Variants in SYT14 observed in about 807,000 individuals in gnomAD.
SYT14 encodes the protein synaptotagmin 14, also known as synaptotagmin-14.
A neutral mutation model predicts 74.2 loss-of-function variants in SYT14; 32 were observed. That is an observed-to-expected ratio of 0.43 (90% CI 0.33 to 0.58). The LOEUF is 0.58. Among genes scored for constraint, SYT14 ranks in the 20% least tolerant of loss-of-function variants. SYT14 has a pLI of 0.05. For synonymous variants in SYT14, 298 were observed against 337.7 expected (o/e 0.88, Z 1.29); for missense variants, 791 against 981.8 (o/e 0.81, Z 2.60).
At chr1:210,006,845 ATG>A (rs1483800316) in intron 2 of SYT14, among the ~76,000 whole-genome samples, 7 of 151,840 alleles carry the variant, frequency 4.6e-5, no homozygotes, top group African/African-American at 1.7e-4. Flanking sequence ...AAAATAGAAA[ATG>A]TGTTGGTTTA....
At chr1:210,041,467 A>T (rs1056661978) in intron 5 of SYT14, among the ~76,000 whole-genome samples, 10 of 152,204 alleles carry the variant, frequency 6.6e-5, no homozygotes, top group African/African-American at 9.6e-5. Flanking sequence ...AATTTACAAA[A>T]AATTTTCTAA....
At chr1:209,993,831 C>T (rs995156806) in intron 2 of SYT14, among the ~76,000 whole-genome samples, 2 of 152,144 alleles carry the variant, frequency 1.3e-5, no homozygotes, top group African/African-American at 4.8e-5. Flanking sequence ...AGTTGTGTGG[C>T]TGGGTATTAG....
chr1:210,124,874 T>A (rs1042033426), intron 7 of SYT14, among the ~76,000 whole-genome samples: 6 of 152,136 alleles, frequency 3.9e-5, no homozygotes, highest in African/African-American at 1.4e-4. Flanking sequence ...TTGTGTGGTT[T>A]TTTTTTTTCC....
intron 5 of SYT14, among the ~76,000 whole-genome samples, chr1:210,030,178 A>G (rs557827818): frequency 2.0e-5 from 3 of 151,736 alleles, no homozygotes; most frequent in Non-Finnish European, 2.9e-5. Flanking sequence ...GTCTCGCTCT[A>G]TTGCCCAGGC....
intron 5 of SYT14, among the ~76,000 whole-genome samples, chr1:210,035,945 G>C (rs556560441): frequency 6.6e-6 from 1 of 151,908 alleles, no homozygotes; most frequent in Non-Finnish European, 1.5e-5. Context: ...CGTGAAAAAC[G>C]ATATTGTTAT....
Position 209,954,273 on chromosome 1 carries a change from A to T in SYT14, c.-486+1517A>T, listed in dbSNP as rs145018369. 2.0e-5 allele frequency among the ~76,000 whole-genome samples: 3 copies of T among 152,304 alleles called. No individual in the cohort carries two copies. The East Asian group carries it at 5.8e-4, about 29-fold the overall frequency. On this transcript the variant is annotated intron_variant, in intron 2 of 9. Transcript: ENST00000637265. ...AATGGAGAAAATTAGATAAGGATAG[A>T]GGATGGTGTGAATATATCTTTTTTT...
At chr1:210,034,252 G>A (rs946795789) in intron 5 of SYT14, among the ~76,000 whole-genome samples, 1 of 151,732 alleles carries the variant, frequency 6.6e-6, no homozygotes, top group African/African-American at 2.4e-5. Flanking sequence ...TAAACACACA[G>A]TGTCTGCCCT....
At chr1:209,940,303 A>G (rs2078708291) in intron 1 of SYT14, among the ~76,000 whole-genome samples, 1 of 152,104 alleles carries the variant, frequency 6.6e-6, no homozygotes, top group African/African-American at 2.4e-5. Context: ...AGGGCGTCTC[A>G]TCTTTTCAGT....
chr1:209,951,144 T>A (rs1050429987), intron 1 of SYT14, among the ~76,000 whole-genome samples: 1 of 152,226 alleles, frequency 6.6e-6, no homozygotes, highest in African/African-American at 2.4e-5. Context: ...TAAGGTCTAT[T>A]CTTGGATTAG....
exon 4 of SYT14, chr1:210,015,853 C>A: frequency 6.8e-6 from 8 of 1,178,314 alleles, no homozygotes; most frequent in African/African-American, 4.8e-5. Flanking sequence ...AATGTATTTA[C>A]AGAAAGATTA....
At chr1:210,021,427 T>C (rs1162374071) in intron 5 of SYT14, among the ~76,000 whole-genome samples, 173 bp downstream of exon 4, 1 of 152,204 alleles carries the variant, frequency 6.6e-6, no homozygotes, top group African/African-American at 2.4e-5. Flanking sequence ...AGGCCAAAAA[T>C]CAAAACCAAT....
At chr1:210,076,793 A>T (rs146028898) in intron 5 of SYT14, among the ~76,000 whole-genome samples, 1 of 152,266 alleles carries the variant, frequency 6.6e-6, no homozygotes, top group East Asian at 1.9e-4. Context: ...TAACTCACTC[A>T]CTATCACGAG....
intron 5 of SYT14, among the ~76,000 whole-genome samples, chr1:210,034,386 GT>G (rs2080609614): frequency 6.6e-6 from 1 of 151,482 alleles, no homozygotes; most frequent in African/African-American, 2.4e-5. Context: ...TATTGTGTAA[GT>G]AGTACATGTT....
intron 7 of SYT14, among the ~76,000 whole-genome samples, chr1:210,135,404 CA>C (rs1285230223): frequency 6.6e-6 from 1 of 152,138 alleles, no homozygotes; most frequent in Non-Finnish European, 1.5e-5. Context: ...TTTCTCATCT[CA>C]GATAGATTTT....
At chr1:210,030,322 C>G (rs980016134) in intron 5 of SYT14, among the ~76,000 whole-genome samples, 1 of 151,636 alleles carries the variant, frequency 6.6e-6, no homozygotes, top group Non-Finnish European at 1.5e-5. Flanking sequence ...CCCAGCTAAT[C>G]TTTGTATTTT....
At chr1:210,150,447 G>A (rs2083135455) in intron 7 of SYT14, among the ~76,000 whole-genome samples, 1 of 152,174 alleles carries the variant, frequency 6.6e-6, no homozygotes, top group Admixed American at 6.5e-5. Context: ...GAGCAATCAT[G>A]CTCTTTCTTC....
At chr1:210,016,783 A>G in exon 4 of SYT14, 2 of 1,231,818 alleles carry the variant, frequency 1.6e-6, no homozygotes, top group African/African-American at 1.5e-5. Flanking sequence ...CAGATCATTT[A>G]AAGAAAGCTG....
chr1:209,978,076 T>C lies in SYT14; in HGVS notation c.-486+25320T>C, dbSNP rs144423820. ...CTCCATCAGGTCCTTTAAGGACTCT[T>C]TGCATGGGTTATTCTAGTTCACCAT... is the stretch of plus-strand genomic sequence containing the variant. On this transcript the variant is annotated intron_variant, in intron 2 of 9. Transcript: ENST00000637265. 4.7e-3 allele frequency among the ~76,000 whole-genome samples: 719 copies of C among 152,314 alleles called. 5 individuals carry two copies. Among genetic ancestry groups the C allele is most frequent in the African/African-American group, 0.016 (684 of 41,572 alleles).
chr1:210,096,606 C>A (rs1285148661), intron 6 of SYT14, among the ~76,000 whole-genome samples: 1 of 152,180 alleles, frequency 6.6e-6, no homozygotes, highest in Non-Finnish European at 1.5e-5. Flanking sequence ...GTAACAAGGA[C>A]CAGAGTTGAA....
Sources: gnomAD v4.1 joint callset for allele counts (sites outside exome capture counted in the v4.1 genomes callset) on GRCh38, gnomAD v4.1.1 for gene constraint, MANE v1.5 for transcripts, NCBI Gene and HGNC (gene_info 2026-07-23, HGNC 2026-07-21) for gene names.